DIAPH3: variants seen among roughly 807,000 people sequenced by gnomAD.
DIAPH3 encodes diaphanous related formin 3, also known as protein diaphanous homolog 3.
DIAPH3 carries 117 observed loss-of-function variants against 144.3 expected under a neutral mutation model. That is an observed-to-expected ratio of 0.81 (90% confidence interval 0.70 to 0.95). DIAPH3 has a LOEUF of 0.95. Ranked by LOEUF, DIAPH3 falls within the 40% of genes least tolerant of loss-of-function variation. DIAPH3 has a pLI of 0.00. For synonymous variants in DIAPH3, 519 were observed against 488.9 expected (o/e 1.06, Z -0.81); for missense variants, 1,421 against 1,412.7 (o/e 1.01, Z -0.09).
chr13:60,095,574 AT>A (rs2058083170), intron 3 of DIAPH3, among the ~76,000 whole-genome samples: 1 of 148,862 alleles, frequency 6.7e-6, no homozygotes, highest in Admixed American at 6.7e-5. Context: ...GCAGCTAGGG[AT>A]TGCTTTTGTC....
At chr13:60,006,188 T>C (rs2052864563) in intron 9 of DIAPH3, among the ~76,000 whole-genome samples, 1 of 152,212 alleles carries the variant, frequency 6.6e-6, no homozygotes, top group Non-Finnish European at 1.5e-5. Context: ...TACCTTTATG[T>C]CTAACAGCCA....
chr13:59,715,527 T>C (rs905896547), intron 27 of DIAPH3, among the ~76,000 whole-genome samples: 1 of 152,126 alleles, frequency 6.6e-6, no homozygotes, highest in Non-Finnish European at 1.5e-5. Context: ...TGCTTCAATA[T>C]TAGAACTTGT....
chr13:59,874,420 AT>A (rs1292821869), intron 21 of DIAPH3, among the ~76,000 whole-genome samples: 1 of 152,192 alleles, frequency 6.6e-6, no homozygotes, highest in African/African-American at 2.4e-5. Flanking sequence ...TGATGAAGTT[AT>A]TCTACTTTTT....
intron 15 of DIAPH3, among the ~76,000 whole-genome samples, chr13:59,971,730 ATATAAG>A (rs1358726949): frequency 6.6e-5 from 10 of 152,214 alleles, no homozygotes; most frequent in African/African-American, 1.4e-4. Flanking sequence ...CGTAGGACCT[ATATAAG>A]TATATCATGA....
intron 27 of DIAPH3, among the ~76,000 whole-genome samples, chr13:59,668,203 G>A (rs553984111): frequency 2.0e-5 from 3 of 152,242 alleles, no homozygotes; most frequent in Non-Finnish European, 2.9e-5. Context: ...TGTGTTTGCC[G>A]GAAAGAGCAC....
At chr13:60,042,338 C>T (rs1348830387) in intron 5 of DIAPH3, among the ~76,000 whole-genome samples, 2 of 152,148 alleles carry the variant, frequency 1.3e-5, no homozygotes, top group Admixed American at 1.3e-4. Flanking sequence ...GTATTTCTTA[C>T]TGTGTCAAAT....
intron 14 of DIAPH3, among the ~76,000 whole-genome samples, chr13:59,976,007 C>T (rs577842927): frequency 6.6e-4 from 101 of 152,000 alleles, no homozygotes; most frequent in African/African-American, 2.3e-3. Flanking sequence ...CCAGTGCTTC[C>T]CCCTAAGGAC....
chr13:59,811,401 T>C (rs1209881744), intron 24 of DIAPH3, among the ~76,000 whole-genome samples: 1 of 152,164 alleles, frequency 6.6e-6, no homozygotes, highest in Non-Finnish European at 1.5e-5. Flanking sequence ...CAATCATATA[T>C]GAATTTTTCT....
At chr13:60,091,311 G>A (rs779428171) in intron 4 of DIAPH3, among the ~76,000 whole-genome samples, 1 of 151,958 alleles carries the variant, frequency 6.6e-6, no homozygotes, top group Non-Finnish European at 1.5e-5. Context: ...ATAGACTATC[G>A]TCACACACCA....
intron 27 of DIAPH3, among the ~76,000 whole-genome samples, chr13:59,687,740 T>A (rs1006175683): frequency 2.6e-5 from 4 of 152,014 alleles, no homozygotes; most frequent in Admixed American, 1.3e-4. Context: ...CACAATGTAG[T>A]GTAACATAAG....
chr13:59,926,511 TAC>T (rs1202172499), intron 17 of DIAPH3, among the ~76,000 whole-genome samples: 2 of 152,224 alleles, frequency 1.3e-5, no homozygotes, highest in Non-Finnish European at 2.9e-5. Context: ...ATTTTGTTTC[TAC>T]TTTAACTCAT....
chr13:59,939,386 G>A (rs1160899156), intron 17 of DIAPH3, among the ~76,000 whole-genome samples: 1 of 152,070 alleles, frequency 6.6e-6, no homozygotes, highest in African/African-American at 2.4e-5. Flanking sequence ...CTATTTCCTT[G>A]AATACCCAGC....
At chr13:59,825,188 TC>T (rs1279107111) in intron 24 of DIAPH3, among the ~76,000 whole-genome samples, 9 of 151,872 alleles carry the variant, frequency 5.9e-5, no homozygotes, top group African/African-American at 2.2e-4. Flanking sequence ...CCCTCCCCTC[TC>T]CCCCTACCCC....
intron 17 of DIAPH3, among the ~76,000 whole-genome samples, chr13:59,957,464 T>C (rs1487705004): frequency 6.6e-6 from 1 of 152,186 alleles, no homozygotes; most frequent in Non-Finnish European, 1.5e-5. Context: ...TGTGCCATGA[T>C]TGTGGGTCCT....
intron 12 of DIAPH3, among the ~76,000 whole-genome samples, chr13:59,990,146 C>T (rs921398399): frequency 6.6e-6 from 1 of 151,572 alleles, no homozygotes; most frequent in Non-Finnish European, 1.5e-5. Context: ...TTAAAAAAAT[C>T]AGTTACTAAA....
chr13:59,794,584 T>C (rs527751613), intron 25 of DIAPH3, among the ~76,000 whole-genome samples: 5 of 152,166 alleles, frequency 3.3e-5, no homozygotes, highest in African/African-American at 1.2e-4. Flanking sequence ...GTGCCAGTGG[T>C]GCAAGATTTT....
intron 9 of DIAPH3, among the ~76,000 whole-genome samples, chr13:59,998,740 T>C (rs2052357231): frequency 6.6e-6 from 1 of 152,162 alleles, no homozygotes; most frequent in Non-Finnish European, 1.5e-5. Flanking sequence ...CATTTTAATA[T>C]GGTTGATGTT....
chr13:59,984,134 A>C (rs2051219585), intron 12 of DIAPH3, among the ~76,000 whole-genome samples: 1 of 151,670 alleles, frequency 6.6e-6, no homozygotes, highest in Admixed American at 6.6e-5. Flanking sequence ...TTTTCTTATA[A>C]AAGTCAAAAC....
chr13:59,926,351 C>G (rs2047751656), intron 17 of DIAPH3, among the ~76,000 whole-genome samples: 1 of 152,118 alleles, frequency 6.6e-6, no homozygotes, highest in South Asian at 2.1e-4. Context: ...TTCTTTCCTT[C>G]TACTAACTTT....
Sources: allele counts gnomAD v4.1 joint callset (sites outside exome capture counted in the v4.1 genomes callset), GRCh38; gene constraint gnomAD v4.1.1; transcripts MANE v1.5; gene names NCBI Gene and HGNC (gene_info 2026-07-23, HGNC 2026-07-21).